The following HDX variants were observed in gnomAD, a reference collection of about 807,000 sequenced individuals.
The protein encoded by HDX is chromosome X open reading frame 43.
HDX carries 19 observed loss-of-function variants against 45.2 expected under a neutral mutation model. That is an observed-to-expected ratio of 0.42 (90% CI 0.29 to 0.62). The LOEUF (loss-of-function observed/expected upper bound fraction) is 0.62, where lower values mean the gene tolerates loss of function less well. HDX is among the 20% of genes least tolerant of loss of function. The probability of loss-of-function intolerance (pLI) is 0.20; values close to 1 mark genes in which losing one functional copy is unlikely to be tolerated. For synonymous variants in HDX, 188 were observed against 172.8 expected (o/e 1.09, Z -0.69); for missense variants, 532 against 493.9 (o/e 1.08, Z -0.73).
intron 5 of HDX, among the ~76,000 whole-genome samples, chrX:84,425,345 G>C (rs1439374210): frequency 8.9e-6 from 1 of 111,793 alleles, no homozygotes; most frequent in Non-Finnish European, 1.9e-5. Context: ...GGAGAAAAGG[G>C]AGCCCTTGTA....
chrX:84,344,403 G>A lies in HDX; in HGVS notation c.1507C>T (p.Pro503Ser), dbSNP rs1437783396. The part of the protein sequence containing the change: ...KYRLMGIEVP[P>S]PRGGPADFSE... Reference sequence around the variant, plus strand: ...AAATCAGCAGGGCCTCCTCTTGGAGGTGGAACTTCAATCCCCATTAAACGA... The same window carrying A: ...AAATCAGCAGGGCCTCCTCTTGGAGATGGAACTTCAATCCCCATTAAACGA... Residue 503 changes from proline (P) to serine (S), a missense_variant, in exon 7 of 11, where the codon CCT (proline) becomes TCT (serine). By Grantham distance (74) the Pro-to-Ser change is moderately conservative. Around this residue, in one of 3 missense-constraint regions of HDX, gnomAD observed 151 missense variants for 131.8 expected, o/e 1.15. Transcript: ENST00000373177. 8.3e-7 allele frequency: 1 copy of A among 1,205,185 alleles called. No homozygotes were observed. Among genetic ancestry groups the A allele is most frequent in the African/African-American group, 1.8e-5 (1 of 56,824 alleles).
At chrX:84,374,559 G>GAGATATAGATCAATGA (rs2037991204) in intron 5 of HDX, among the ~76,000 whole-genome samples, 1 of 29,004 alleles carries the variant, frequency 3.4e-5, no homozygotes, top group African/African-American at 3.3e-4. Context: ...TACCAAAACA[G>GAGATATAGATCAATGA]AACAGAACAG....
chrX:84,403,360 A>G (rs1187044316), intron 5 of HDX, among the ~76,000 whole-genome samples: 2 of 111,132 alleles, frequency 1.8e-5, no homozygotes, highest in East Asian at 5.6e-4. Flanking sequence ...TGGAATTAAG[A>G]CTCCTAAACT....
At chrX:84,336,715 T>A in intron 8 of HDX, 86 bp downstream of exon 8, 1 of 637,887 alleles carries the variant, frequency 1.6e-6, no homozygotes, top group Non-Finnish European at 2.4e-6. Flanking sequence ...AAGACTTTAT[T>A]CTGAAAATGA....
At chrX:84,354,647 T>G (rs1370057482) in intron 6 of HDX, among the ~76,000 whole-genome samples, 1 of 109,734 alleles carries the variant, frequency 9.1e-6, no homozygotes, top group Non-Finnish European at 1.9e-5. Flanking sequence ...CCAAGTGTTA[T>G]GGATAAAAAG....
intron 5 of HDX, among the ~76,000 whole-genome samples, chrX:84,372,083 G>A (rs2037910417): frequency 9.0e-6 from 1 of 111,715 alleles, no homozygotes; most frequent in Admixed American, 9.6e-5. Context: ...GTCTTCGAAT[G>A]GCCAGATATA....
intron 5 of HDX, among the ~76,000 whole-genome samples, chrX:84,418,765 G>T (rs1418494349): frequency 9.0e-6 from 1 of 111,088 alleles, no homozygotes; most frequent in Non-Finnish European, 1.9e-5. Flanking sequence ...GTGGGGGTGT[G>T]GGGGGGAAGG....
chrX:84,351,961 G>T (rs957685891), intron 6 of HDX, among the ~76,000 whole-genome samples: 1 of 111,566 alleles, frequency 9.0e-6, no homozygotes, highest in African/African-American at 3.3e-5. Context: ...TTCTAGTTTT[G>T]CCATGTCAAG....
chrX:84,349,609 GTA>G lies in HDX; in HGVS notation c.1453-5154_1453-5153del, dbSNP rs752855941. Reference sequence around the variant, plus strand: ...TACATCTATATGTTTATGTGTGTGTGTATATATATATATATATATATAAACAA... The same window carrying G: ...TACATCTATATGTTTATGTGTGTGTGTATATATATATATATATATAAACAA... On this transcript the variant is annotated intron_variant, in intron 6 of 10. Coordinates refer to ENST00000373177, the MANE Select transcript of HDX (RefSeq NM_001177479.2). 6.5e-3 allele frequency among the ~76,000 whole-genome samples: 505 copies of G among 77,435 alleles called. 3 individuals are homozygous for G. Among genetic ancestry groups the G allele is most frequent in the African/African-American group, 0.015 (296 of 19,643 alleles). 67.2% of individuals were successfully genotyped at this position (77,435 alleles called of 115,157 possible). A position where few individuals can be genotyped will look rare whatever the true frequency, so the allele number is the denominator to read the frequency against.
In HDX at chrX:84,322,020, TA is replaced by T. The variant is rs773263706; in HGVS notation, c.1948-7del. 30 of 1,122,335 alleles carry T rather than the reference TA, an allele frequency of 2.7e-5. No homozygotes were observed. Among genetic ancestry groups the T allele is most frequent in the Non-Finnish European group, 3.2e-5 (27 of 837,368 alleles). 92.5% of individuals were successfully genotyped at this position (1,122,335 alleles called of 1,213,427 possible). A position where few individuals can be genotyped will look rare whatever the true frequency, so the allele number is the denominator to read the frequency against. On this transcript the variant is annotated splice_region_variant and splice_polypyrimidine_tract_variant and intron_variant, in intron 10 of 10. Coordinates refer to ENST00000373177, the MANE Select transcript of HDX (RefSeq NM_001177479.2). The stretch of plus-strand genomic sequence containing the variant: ...GGTAAATCTGACAGCAGTGCCTGAA[TA>T]AAAAAAATAATATTTTTGGATTAGT...
chrX:84,406,556 T>TATC (rs1436671486), intron 5 of HDX, among the ~76,000 whole-genome samples: 2 of 109,736 alleles, frequency 1.8e-5, no homozygotes, highest in Admixed American at 9.8e-5. Flanking sequence ...TATCTATATC[T>TATC]ATCATCATCA....
intron 4 of HDX, among the ~76,000 whole-genome samples, chrX:84,441,417 C>T (rs1363704995): frequency 8.9e-6 from 1 of 111,871 alleles, no homozygotes; most frequent in African/African-American, 3.2e-5. Flanking sequence ...GTATAAATGA[C>T]TGAAACAATG....
intron 5 of HDX, among the ~76,000 whole-genome samples, chrX:84,409,199 C>T (rs974587195): frequency 6.6e-4 from 73 of 110,688 alleles, no homozygotes; most frequent in Non-Finnish European, 1.1e-3. Context: ...GTTAGAATGG[C>T]GATCATTAAA....
chrX:84,391,245 C>G lies in HDX; in HGVS notation c.1306-29633G>C, dbSNP rs772251398. ...GCTTATCTCATTTAACATAATGGTC[C>G]CCATTTCCATCCACGTTGCTGCAAA... is the stretch of plus-strand genomic sequence containing the variant. On this transcript the variant is annotated intron_variant, in intron 5 of 10. Transcript: ENST00000373177. 7.2e-5 allele frequency among the ~76,000 whole-genome samples: 8 copies of G among 111,296 alleles called. No individual in the cohort carries two copies. The East Asian group carries it at 2.0e-3, about 27-fold the overall frequency.
At chrX:84,350,106 G>A (rs2037306785) in intron 6 of HDX, among the ~76,000 whole-genome samples, 2 of 111,338 alleles carry the variant, frequency 1.8e-5, no homozygotes, top group East Asian at 2.9e-4. Context: ...GGATTATTTA[G>A]AAATGTCTTG....
intron 4 of HDX, among the ~76,000 whole-genome samples, chrX:84,451,444 CACAA>C (rs1473379289): frequency 2.7e-5 from 3 of 110,147 alleles, no homozygotes; most frequent in Non-Finnish European, 5.7e-5. Context: ...CGTTTCTGGA[CACAA>C]ACAACCTACT....
At chrX:84,465,818 A>G (rs185850703) in intron 4 of HDX, among the ~76,000 whole-genome samples, 163 of 111,593 alleles carry the variant, frequency 1.5e-3, no homozygotes, top group Non-Finnish European at 1.9e-3. Context: ...TTAAAGTATA[A>G]TAATAATAAT....
At chrX:84,501,216 G>A (rs2041111785) in intron 1 of HDX, among the ~76,000 whole-genome samples, 1 of 111,685 alleles carries the variant, frequency 9.0e-6, no homozygotes, top group Non-Finnish European at 1.9e-5. Context: ...CCCCACAACT[G>A]CTGAGTAATA....
chrX:84,463,734 G>C (rs186668878), intron 4 of HDX, among the ~76,000 whole-genome samples: 39 of 110,641 alleles, frequency 3.5e-4, no homozygotes, highest in African/African-American at 1.2e-3. Context: ...AATATGAAAA[G>C]TGAATGGCAC....
Sources: allele counts gnomAD v4.1 joint callset (sites outside exome capture counted in the v4.1 genomes callset), GRCh38; gene constraint gnomAD v4.1.1; regional missense constraint gnomAD v4.1.1; transcripts MANE v1.5; gene names NCBI Gene and HGNC (gene_info 2026-07-23, HGNC 2026-07-21).